The following NEGR1 variants were observed in gnomAD, a reference collection of about 807,000 sequenced individuals.
The protein encoded by NEGR1 is neuronal growth regulator 1, also known as IgLON family member 4.
In NEGR1, 10 loss-of-function variants were observed where a neutral mutation model predicts 40.9. The observed-to-expected ratio is 0.24, with a 90% CI of 0.15 to 0.42. NEGR1 has a LOEUF of 0.42. Among genes scored for constraint, NEGR1 ranks in the 10% least tolerant of loss-of-function variants. NEGR1 has a pLI of 1.00. For missense variants in NEGR1, 352 were observed against 438.9 expected (o/e 0.80, Z 1.77); for synonymous variants, 185 against 166.8 (o/e 1.11, Z -0.84).
At chr1:71,838,026 C>T (rs1258192396) in intron 2 of NEGR1, among the ~76,000 whole-genome samples, 1 of 151,996 alleles carries the variant, frequency 6.6e-6, no homozygotes, top group Admixed American at 6.6e-5. Flanking sequence ...CTGATAACAT[C>T]CCATTTGTTC....
At chr1:71,788,886 A>G (rs1468615290) in intron 2 of NEGR1, among the ~76,000 whole-genome samples, 1 of 152,158 alleles carries the variant, frequency 6.6e-6, no homozygotes, top group Non-Finnish European at 1.5e-5. Context: ...TTAACATGTA[A>G]TAAAAGAGTT....
chr1:71,785,765 A>G (rs1656888340), intron 2 of NEGR1, among the ~76,000 whole-genome samples: 1 of 152,172 alleles, frequency 6.6e-6, no homozygotes, highest in Admixed American at 6.6e-5. Flanking sequence ...TCCCATAGCT[A>G]AAAGCTTGCT....
intron 2 of NEGR1, among the ~76,000 whole-genome samples, chr1:71,802,911 T>A (rs529909567): frequency 6.6e-6 from 1 of 151,432 alleles, no homozygotes; most frequent in Non-Finnish European, 1.5e-5. Context: ...ATTTAGATGA[T>A]ATTTAGATGA....
chr1:71,498,432 G>T (rs1014347332), intron 6 of NEGR1, among the ~76,000 whole-genome samples: 1 of 151,922 alleles, frequency 6.6e-6, no homozygotes, highest in Non-Finnish European at 1.5e-5. Flanking sequence ...TGGATATAAA[G>T]AAAAGGGATG....
intron 6 of NEGR1, among the ~76,000 whole-genome samples, chr1:71,478,610 A>T (rs548550112): frequency 1.2e-4 from 18 of 152,156 alleles, no homozygotes; most frequent in Non-Finnish European, 2.1e-4. Context: ...ACACATCAGC[A>T]TATCCTATTC....
rs954358425 is a variant in NEGR1 at position 71,398,699 on chromosome 1, G to A, written c.*8747C>T. 6.6e-6 allele frequency: 1 copy of A among 152,208 alleles called. No individual in the cohort carries two copies. Among genetic ancestry groups the A allele is most frequent in the Non-Finnish European group, 1.5e-5 (1 of 68,060 alleles). 9.4% of individuals were successfully genotyped at this position (152,208 alleles called of 1,614,324 possible). ...AGGGACTGTTGGGAAAGCATGATTG[G>A]TTTTGAAATGTGAGGACATGAGATT... On this transcript the variant is annotated 3_prime_UTR_variant, in exon 7 of 7. Transcript: ENST00000357731.
chr1:71,932,160 G>T (rs938408929), intron 2 of NEGR1, among the ~76,000 whole-genome samples: 1 of 152,010 alleles, frequency 6.6e-6, no homozygotes, highest in South Asian at 2.1e-4. Flanking sequence ...GTAGTAACAG[G>T]AGCTATATGT....
Position 71,397,834 on chromosome 1 carries a change from A to G in NEGR1, c.*9612T>C, listed in dbSNP as rs1326833302. ...GACCTTTGCAGCAGCCCCTGCCATCACAGGCCCCTAGGTTTTGGAGGAAAA... is the reference window on the plus strand; with the variant it reads ...GACCTTTGCAGCAGCCCCTGCCATCGCAGGCCCCTAGGTTTTGGAGGAAAA... On this transcript the variant is annotated 3_prime_UTR_variant, in exon 7 of 7. Coordinates refer to ENST00000357731, the MANE Select transcript of NEGR1 (RefSeq NM_173808.3). The G allele has an allele frequency of 6.6e-6, 1 of 152,212 alleles. No individual in the cohort carries two copies. The highest frequency in any genetic ancestry group is 1.5e-5 in the Non-Finnish European group (1 of 68,116). The allele number at this position is 152,212 out of a possible 1,614,324, so 9.4% of individuals were successfully genotyped here.
At position 71,927,801 on chromosome 1, in the gene NEGR1, T is replaced by C. The variant is rs191910866; in HGVS notation, c.409+7278A>G. Reference sequence around the variant, plus strand: ...GCGTTTGAGACCAGCATGGGCAACATGGCAAGACCCAATCTCTAAAAAAAA... The same window carrying C: ...GCGTTTGAGACCAGCATGGGCAACACGGCAAGACCCAATCTCTAAAAAAAA... On this transcript the variant is annotated intron_variant, in intron 2 of 6. Transcript: ENST00000357731. 3.1e-4 allele frequency among the ~76,000 whole-genome samples: 30 copies of C among 98,310 alleles called. No homozygotes were observed. In the East Asian group the frequency reaches 9.3e-3, roughly 31 times the overall value. 64.5% of individuals were successfully genotyped at this position (98,310 alleles called of 152,430 possible).
intron 6 of NEGR1, among the ~76,000 whole-genome samples, chr1:71,435,231 C>G (rs80057796): frequency 0.036 from 5,460 of 152,064 alleles, 170 homozygotes; most frequent in South Asian, 0.086. Context: ...GGGTGCAGGC[C>G]TTCTATAAGA....
At chr1:71,959,400 C>G (rs1460948819) in intron 1 of NEGR1, among the ~76,000 whole-genome samples, 1 of 152,088 alleles carries the variant, frequency 6.6e-6, no homozygotes, top group Non-Finnish European at 1.5e-5. Flanking sequence ...CTGGTACAAA[C>G]CCAAATAAAT....
At chr1:72,138,740 T>C (rs1557545944) in intron 1 of NEGR1, among the ~76,000 whole-genome samples, 1 of 151,974 alleles carries the variant, frequency 6.6e-6, no homozygotes, top group Non-Finnish European at 1.5e-5. Context: ...CTGCTAAAAC[T>C]GCAAGCATAA....
At chr1:72,201,679 G>C (rs891178471) in intron 1 of NEGR1, among the ~76,000 whole-genome samples, 1 of 151,656 alleles carries the variant, frequency 6.6e-6, no homozygotes, top group African/African-American at 2.4e-5. Context: ...TGGTGGGGGG[G>C]GTGGAAGTGT....
chr1:72,265,077 T>A (rs1171742870), intron 1 of NEGR1, among the ~76,000 whole-genome samples: 2 of 150,970 alleles, frequency 1.3e-5, no homozygotes, highest in African/African-American at 4.8e-5. Flanking sequence ...TTAATCAAAG[T>A]TGAATAACTA....
chr1:72,137,732 A>T (rs1005193467), intron 1 of NEGR1, among the ~76,000 whole-genome samples: 2 of 152,148 alleles, frequency 1.3e-5, no homozygotes, highest in Non-Finnish European at 1.5e-5. Flanking sequence ...ATAAAAAAAT[A>T]AAAAAGAATA....
At chr1:72,053,385 A>G (rs532966975) in intron 1 of NEGR1, among the ~76,000 whole-genome samples, 75 of 151,134 alleles carry the variant, frequency 5.0e-4, no homozygotes, top group African/African-American at 1.6e-3. Flanking sequence ...ACAACAAGTA[A>G]TCTGTCACCT....
chr1:72,180,902 A>AT (rs548092902), intron 1 of NEGR1, among the ~76,000 whole-genome samples: 51 of 151,262 alleles, frequency 3.4e-4, no homozygotes, highest in African/African-American at 8.7e-4. Context: ...TTAGTTTGGG[A>AT]TTTTTTTTTC....
At chr1:71,946,015 A>C (rs555016899) in intron 1 of NEGR1, among the ~76,000 whole-genome samples, 1 of 152,264 alleles carries the variant, frequency 6.6e-6, no homozygotes, top group East Asian at 1.9e-4. Flanking sequence ...CAAGCCCATT[A>C]ATGTAAGTAA....
At chr1:72,279,986 T>C (rs1017713847) in intron 1 of NEGR1, among the ~76,000 whole-genome samples, 3 of 152,210 alleles carry the variant, frequency 2.0e-5, no homozygotes, top group African/African-American at 4.8e-5. Flanking sequence ...CTATTTCATA[T>C]GATAAAAAAA....
Sources: allele counts gnomAD v4.1 joint callset (sites outside exome capture counted in the v4.1 genomes callset), GRCh38; gene constraint gnomAD v4.1.1; transcripts MANE v1.5; gene names NCBI Gene and HGNC (gene_info 2026-07-23, HGNC 2026-07-21).